DCPS: variants seen among roughly 807,000 people sequenced by gnomAD.
DCPS encodes the protein decapping enzyme, scavenger, also known as m7GpppX diphosphatase.
A neutral mutation model predicts 34.7 loss-of-function variants in DCPS; 27 were observed. That is an observed-to-expected ratio of 0.78 (90% CI 0.57 to 1.07). The LOEUF is 1.07. DCPS is among the 50% of genes least tolerant of loss of function. The pLI is 0.00. For missense variants in DCPS, 464 were observed against 436.9 expected (o/e 1.06, Z -0.55); for synonymous variants, 185 against 185.7 (o/e 1.00, Z 0.03).
Position 126,312,945 on chromosome 11 carries a change from C to T in DCPS, c.376+6201C>T, listed in dbSNP as rs1017431824. Among the ~76,000 whole-genome samples the T allele has an allele frequency of 5.9e-5, 9 of 152,154 alleles. No homozygotes were observed. Among genetic ancestry groups the T allele is most frequent in the African/African-American group, 2.2e-4 (9 of 41,418 alleles). On this transcript the variant is annotated intron_variant, in intron 2 of 5. Transcript: ENST00000263579. The surrounding 1 kb of genome is among the most constrained non-coding windows in gnomAD (Gnocchi z 5.1). Reference sequence around the variant, plus strand: ...GAGGAGCTAATGGCCCGAAGGCTGGCACCTGAGAGCTTCCTCTGACCCTCC... The same window carrying T: ...GAGGAGCTAATGGCCCGAAGGCTGGTACCTGAGAGCTTCCTCTGACCCTCC...
At position 126,319,505 on chromosome 11, in the gene DCPS, T is replaced by C. The variant is rs1486656787; in HGVS notation, c.377-11900T>C. 6.6e-6 allele frequency among the ~76,000 whole-genome samples: 1 copy of C among 151,314 alleles called. No individual in the cohort carries two copies. Among genetic ancestry groups the C allele is most frequent in the Non-Finnish European group, 1.5e-5 (1 of 67,868 alleles). ...CACGGCTCTCCAGAGCTCAGGGGAG[T>C]GGACTCTCCTTCCCTGAGCTCCCCA... On this transcript the variant is annotated intron_variant, in intron 2 of 5. Coordinates refer to ENST00000263579, the MANE Select transcript of DCPS (RefSeq NM_014026.6). The surrounding 1 kb of genome is among the most constrained non-coding windows in gnomAD (Gnocchi z 4.5).
chr11:126,326,139 A>T (rs1205835353), intron 2 of DCPS, among the ~76,000 whole-genome samples: 1 of 152,164 alleles, frequency 6.6e-6, no homozygotes, highest in African/African-American at 2.4e-5. Context: ...TAAATAAATA[A>T]ATAATGAGAA....
rs1371541756 is a variant in DCPS, at chr11:126,348,794, C to G, written c.*3181C>G. 6.6e-6 allele frequency among the ~76,000 whole-genome samples: 1 copy of G among 152,234 alleles called. No individual in the cohort carries two copies. Among genetic ancestry groups the G allele is most frequent in the African/African-American group, 2.4e-5 (1 of 41,452 alleles). Reference sequence around the variant, plus strand: ...CTATCCCTGGCCCCTAAGACACTACCTGGCTCAGCAAACCAACCTTTGAGA... The same window carrying G: ...CTATCCCTGGCCCCTAAGACACTACGTGGCTCAGCAAACCAACCTTTGAGA... On this transcript the variant is annotated 3_prime_UTR_variant, in exon 6 of 6. Transcript: ENST00000263579. This position sits in a 1 kb window ranked among gnomAD's most constrained non-coding sequence, Gnocchi z 5.3.
At chr11:126,330,707 ATATATATATATATTTTTTTTTTTTT>A (rs1461823608) in intron 2 of DCPS, among the ~76,000 whole-genome samples, 26 of 31,496 alleles carry the variant, frequency 8.3e-4, no homozygotes, top group South Asian at 1.8e-3. Context: ...ATATATATAT[ATATATATATATATTTTTTTTTTTTT>A]TTTTTTTTTT....
chr11:126,305,547 A>G (rs934656336), intron 1 of DCPS, among the ~76,000 whole-genome samples: 1 of 147,862 alleles, frequency 6.8e-6, no homozygotes, highest in Admixed American at 6.8e-5. Context: ...CAGCCTCCCA[A>G]GTAGCTGGGA....
intron 4 of DCPS, among the ~76,000 whole-genome samples, chr11:126,340,006 C>G (rs535149547): frequency 1.3e-5 from 2 of 152,300 alleles, no homozygotes; most frequent in African/African-American, 4.8e-5. Context: ...GCCAGGGGAT[C>G]GCAGTCTTAA....
chr11:126,331,482 C>T lies in DCPS; in HGVS notation c.454C>T (p.Arg152Ter), dbSNP rs904572688. 8.7e-6 allele frequency: 14 copies of T among 1,614,024 alleles called. No homozygotes were observed. The highest frequency in any genetic ancestry group is 4.0e-5 in the African/African-American group (3 of 74,912). The change falls in exon 3 of 6, where the codon CGA (arginine) becomes TGA (stop). Residue 152 changes from arginine to a stop codon, truncating the protein, a stop_gained. Coordinates refer to ENST00000263579, the MANE Select transcript of DCPS (RefSeq NM_014026.6). LOFTEE classifies it high-confidence loss of function. This position sits in a 1 kb window ranked among gnomAD's most constrained non-coding sequence, Gnocchi z 7.2. ...KYLRQDLRLI[R>*]ETGDDYRNIT... ...CCTGCGCCAGGACCTCCGCCTGATC[C>T]GAGAGACGGGAGATGACTACAGGAA...
chr11:126,339,396 C>T (rs535606445), intron 4 of DCPS, among the ~76,000 whole-genome samples: 49 of 152,306 alleles, frequency 3.2e-4, no homozygotes, highest in Admixed American at 9.1e-4. Context: ...TGCCCCTCCG[C>T]GGGCTCGCTC....
Position 126,348,087 on chromosome 11 carries a change from T to G in DCPS, c.*2474T>G, listed in dbSNP as rs1342267875. Among the ~76,000 whole-genome samples the G allele has an allele frequency of 6.6e-6, 1 of 151,964 alleles. No homozygotes were observed. The highest frequency in any genetic ancestry group is 1.9e-4 in the East Asian group (1 of 5,164). On this transcript the variant is annotated 3_prime_UTR_variant, in exon 6 of 6. Transcript: ENST00000263579. The surrounding 1 kb of genome is among the most constrained non-coding windows in gnomAD (Gnocchi z 5.3). ...AGGTGGGTAGGAATTTGACACCGGA[T>G]AAATAAATGTTTGAGGGGCAAGAGA...
intron 1 of DCPS, among the ~76,000 whole-genome samples, chr11:126,305,093 T>C (rs1238058961): frequency 1.3e-5 from 2 of 152,154 alleles, no homozygotes; most frequent in Non-Finnish European, 2.9e-5. Context: ...GTGTATCTGG[T>C]TTTTAAATTT....
At chr11:126,309,302 G>A (rs77713868) in intron 2 of DCPS, among the ~76,000 whole-genome samples, 18,195 of 152,116 alleles carry the variant, frequency 0.12, 1,134 homozygotes, top group African/African-American at 0.15. Flanking sequence ...GGCATGAGCC[G>A]CTGCCCCTGG....
At position 126,345,343 on chromosome 11, in the gene DCPS, T is replaced by C. The variant is rs751046484; in HGVS notation, c.748-4T>C. On this transcript the variant is annotated splice_region_variant and splice_polypyrimidine_tract_variant and intron_variant, in intron 5 of 5. Coordinates refer to ENST00000263579, the MANE Select transcript of DCPS (RefSeq NM_014026.6). The surrounding 1 kb of genome is among the most constrained non-coding windows in gnomAD (Gnocchi z 7.4). Reference sequence around the variant, plus strand: ...TCCTGACCTGCCTGCCCCTGTCTCATCAGGAGGCCATCCTGCAGCGCTACC... The same window carrying C: ...TCCTGACCTGCCTGCCCCTGTCTCACCAGGAGGCCATCCTGCAGCGCTACC... 45 of 1,613,624 alleles carry C rather than the reference T, an allele frequency of 2.8e-5. 2 individuals carry two copies. In the South Asian group the frequency reaches 4.9e-4, roughly 18 times the overall value.
chr11:126,310,727 G>A (rs1951613213), intron 2 of DCPS, among the ~76,000 whole-genome samples: 1 of 152,236 alleles, frequency 6.6e-6, no homozygotes, highest in South Asian at 2.1e-4. Flanking sequence ...CTGTGGGAAG[G>A]CCAGCTAAGT....
intron 2 of DCPS, among the ~76,000 whole-genome samples, chr11:126,317,447 C>T (rs1459263021): frequency 6.6e-6 from 1 of 151,716 alleles, no homozygotes; most frequent in Non-Finnish European, 1.5e-5. Context: ...CTCTCTGGCA[C>T]ACTAATTAGA....
At chr11:126,316,329 C>CTT (rs764198724) in intron 2 of DCPS, among the ~76,000 whole-genome samples, 2 of 142,564 alleles carry the variant, frequency 1.4e-5, no homozygotes, top group Non-Finnish European at 3.1e-5. Context: ...TCCGTGATTT[C>CTT]TTTTTTTTTT....
rs1951714251 is a variant in DCPS at position 126,322,397 on chromosome 11, G to A, written c.377-9008G>A. ...TCCTGTCTCATTCTCTCTAGTAGCT[G>A]GGATTACAGGCGCACACCACCACGC... On this transcript the variant is annotated intron_variant, in intron 2 of 5. Transcript: ENST00000263579. This position sits in a 1 kb window ranked among gnomAD's most constrained non-coding sequence, Gnocchi z 4.2. Among the ~76,000 whole-genome samples, 3 of 151,964 alleles carry A rather than the reference G, an allele frequency of 2.0e-5. No homozygotes were observed. Among genetic ancestry groups the A allele is most frequent in the Non-Finnish European group, 2.9e-5 (2 of 68,006 alleles).
rs1177285478 is a variant in DCPS, at chr11:126,319,863, C to A, written c.377-11542C>A. Among the ~76,000 whole-genome samples, 1 of 152,122 alleles carries A rather than the reference C, an allele frequency of 6.6e-6. No homozygotes were observed. The highest frequency in any genetic ancestry group is 2.4e-5 in the African/African-American group (1 of 41,430). ...CTATTAATAGCTGTGTGTCCTTGGG[C>A]AAATTACTCAACATCTCTGGGGCTC... On this transcript the variant is annotated intron_variant, in intron 2 of 5. Transcript: ENST00000263579. The surrounding 1 kb of genome is among the most constrained non-coding windows in gnomAD (Gnocchi z 4.5).
intron 2 of DCPS, among the ~76,000 whole-genome samples, chr11:126,307,642 C>T (rs896436636): frequency 1.3e-5 from 2 of 151,986 alleles, no homozygotes; most frequent in African/African-American, 4.8e-5. Flanking sequence ...CTCCTGACCT[C>T]GTGATCCACC....
Position 126,304,180 on chromosome 11 carries a change from A to C in DCPS, c.100A>C (p.Asn34His). ...STEEKEAGVG[N>H]GTCAPVRLPF... is the part of the protein sequence containing the mutation. ...AGAGGAAAAGGAGGCAGGAGTTGGA[A>C]ATGGTACCTGTGCTCCTGTCCGCTT... The change falls in exon 1 of 6, where the codon AAT becomes CAT. Residue 34 changes from asparagine to histidine, a missense_variant. By Grantham distance (68) the Asn-to-His change is moderately conservative. Transcript: ENST00000263579. 1 of 1,614,250 alleles carries C rather than the reference A, an allele frequency of 6.2e-7. No homozygotes were observed. The highest frequency in any genetic ancestry group is 8.5e-7 in the Non-Finnish European group (1 of 1,180,046).
Sources: gnomAD v4.1 joint callset for allele counts (sites outside exome capture counted in the v4.1 genomes callset) on GRCh38, gnomAD v4.1.1 for gene constraint, Gnocchi (gnomAD v3.1) non-coding constraint, MANE v1.5 for transcripts, NCBI Gene and HGNC (gene_info 2026-07-23, HGNC 2026-07-21) for gene names.